SPAG17: variants seen among roughly 807,000 people sequenced by gnomAD.
SPAG17 encodes the protein sperm associated antigen 17, also known as sperm-associated antigen 17.
In SPAG17, 169 loss-of-function variants were observed where a neutral mutation model predicts 273.6. The observed-to-expected ratio is 0.62, with a 90% CI of 0.55 to 0.70. SPAG17 has a LOEUF of 0.70. Among genes scored for constraint, SPAG17 ranks in the 30% least tolerant of loss-of-function variants. The pLI, the probability that SPAG17 is intolerant of heterozygous loss-of-function variation, is 0.00. For synonymous variants in SPAG17, 825 were observed against 873.2 expected (o/e 0.94, Z 0.97); for missense variants, 2,557 against 2,627.8 (o/e 0.97, Z 0.59).
rs533447346 is a variant in SPAG17, at chr1:117,994,388, T to C, written c.5178+18A>G. 6.7e-5 allele frequency: 108 copies of C among 1,607,976 alleles called. 1 individual carries two copies. The South Asian group carries it at 1.2e-3, about 18-fold the overall frequency. ...ATGTATACGCTAATAAAATGACTTTTTAGAAGAAATTATATACCTCAACTG... is the reference window on the plus strand; with the variant it reads ...ATGTATACGCTAATAAAATGACTTTCTAGAAGAAATTATATACCTCAACTG... On this transcript the variant is annotated intron_variant, in intron 35 of 48. Transcript: ENST00000336338.
intron 20 of SPAG17, among the ~76,000 whole-genome samples, chr1:118,042,860 T>C (rs1476386304): frequency 1.3e-5 from 2 of 152,206 alleles, no homozygotes; most frequent in Non-Finnish European, 2.9e-5. Context: ...GTGTGTACTT[T>C]CATTTTCAAT....
intron 3 of SPAG17, among the ~76,000 whole-genome samples, chr1:118,145,007 T>C (rs550462643): frequency 4.2e-4 from 64 of 152,338 alleles, no homozygotes; most frequent in Middle Eastern, 3.4e-3. Context: ...TAGCTTCCAA[T>C]TCTTCCAGAA....
chr1:118,121,852 T>C (rs1657439247), intron 3 of SPAG17, among the ~76,000 whole-genome samples: 1 of 152,186 alleles, frequency 6.6e-6, no homozygotes, highest in African/African-American at 2.4e-5. Context: ...GAAGAGCTGA[T>C]AAAAAGAGAA....
intron 18 of SPAG17, among the ~76,000 whole-genome samples, chr1:118,062,979 C>G (rs2997485): frequency 1.3e-5 from 2 of 152,150 alleles, no homozygotes; most frequent in Non-Finnish European, 2.9e-5. Context: ...TGAAAACTCA[C>G]ATTTCTGTGT....
intron 18 of SPAG17, among the ~76,000 whole-genome samples, chr1:118,064,824 A>C (rs1207006725): frequency 4.6e-5 from 7 of 151,908 alleles, no homozygotes; most frequent in Non-Finnish European, 8.8e-5. Flanking sequence ...GGTGTTGCTA[A>C]GGCGGTATTT....
chr1:118,106,755 T>C (rs1254410798), intron 4 of SPAG17, among the ~76,000 whole-genome samples: 1 of 152,268 alleles, frequency 6.6e-6, no homozygotes, highest in Admixed American at 6.5e-5. Flanking sequence ...AATTCATTTA[T>C]GCATTCATTC....
chr1:118,133,004 G>A (rs890682188), intron 3 of SPAG17, among the ~76,000 whole-genome samples: 3 of 151,984 alleles, frequency 2.0e-5, no homozygotes, highest in South Asian at 2.1e-4. Context: ...ATCTCTTGCC[G>A]TCGTGATCTG....
Position 118,023,361 on chromosome 1 carries a change from A to T in SPAG17, c.4012T>A (p.Ser1338Thr). The T allele has an allele frequency of 6.2e-7, 1 of 1,612,846 alleles. No homozygotes were observed. ...ATPHSGDLMD[S>T]ISQQKSETIP... ...GTTTCTGATTTCTGCTGAGAAATAG[A>T]GTCCATCAAATCTCCACTGTGAGGC... The change falls in exon 28 of 49, where the codon TCT becomes ACT. Residue 1338 changes from serine (S) to threonine (T), a missense_variant. Coordinates refer to ENST00000336338, the MANE Select transcript of SPAG17 (RefSeq NM_206996.4).
chr1:118,139,345 C>T (rs755571517), intron 3 of SPAG17, among the ~76,000 whole-genome samples: 1 of 151,992 alleles, frequency 6.6e-6, no homozygotes, highest in East Asian at 1.9e-4. Context: ...AAAAGGGAAC[C>T]CTTGTACATT....
rs188756100 is a variant in SPAG17 at position 117,978,362 on chromosome 1, A to G, written c.6004+2908T>C. Among the ~76,000 whole-genome samples the G allele has an allele frequency of 1.6e-3, 246 of 152,224 alleles. 1 individual carries two copies. Among genetic ancestry groups the G allele is most frequent in the African/African-American group, 5.8e-3 (240 of 41,528 alleles). ...CACTATGGAGAAGGTGACCTTATTC[A>G]TATCTAAGGTTAATTCTGTCACTCA... On this transcript the variant is annotated intron_variant, in intron 43 of 48. Coordinates refer to ENST00000336338, the MANE Select transcript of SPAG17 (RefSeq NM_206996.4).
At chr1:117,978,791 A>G (rs1655410464) in intron 43 of SPAG17, among the ~76,000 whole-genome samples, 1 of 151,474 alleles carries the variant, frequency 6.6e-6, no homozygotes, top group Non-Finnish European at 1.5e-5. Flanking sequence ...TTGACCTTGC[A>G]GGGGCATTTG....
At chr1:118,060,944 G>C (rs1344339738) in intron 18 of SPAG17, among the ~76,000 whole-genome samples, 1 of 152,102 alleles carries the variant, frequency 6.6e-6, no homozygotes, top group African/African-American at 2.4e-5. Flanking sequence ...ATATAAAAAG[G>C]TGTTCAACAC....
At position 118,039,294 on chromosome 1, in the gene SPAG17, G is replaced by A. The variant is rs573321066; in HGVS notation, c.3317C>T (p.Thr1106Met). 84 of 1,612,402 alleles carry A rather than the reference G, an allele frequency of 5.2e-5. 1 individual carries two copies. Among genetic ancestry groups the A allele is most frequent in the South Asian group, 1.1e-4 (10 of 90,910 alleles). ...GAAACCACTAAACAGCAGCTTACCC[G>A]TTTCAAGACTTTGTTCCTCATCTCC... is the stretch of plus-strand genomic sequence containing the variant. Reference protein sequence around the residue: ...EEGDEEQSLETEVSDAKNKAF... With the variant: ...EEGDEEQSLEMEVSDAKNKAF... The change falls in exon 23 of 49, where the codon ACG becomes ATG. Residue 1106 changes from threonine to methionine, a missense_variant and splice_region_variant. Thr to Met is a moderately conservative substitution (Grantham distance 81). Coordinates refer to ENST00000336338, the MANE Select transcript of SPAG17 (RefSeq NM_206996.4).
At chr1:118,053,068 A>G (rs1041030269) in intron 20 of SPAG17, among the ~76,000 whole-genome samples, 7 of 152,016 alleles carry the variant, frequency 4.6e-5, no homozygotes, top group Non-Finnish European at 2.9e-5. Flanking sequence ...TTAAGGAAAC[A>G]ATGGATGAGT....
In SPAG17 at chr1:117,991,418, A is replaced by G; in HGVS notation, c.5472T>C (p.Val1824=). The change falls in exon 37 of 49, where the codon GTT becomes GTC. Residue 1824 remains valine (V), a synonymous_variant. Transcript: ENST00000336338. ...RGNAADLLKL[V]MSFPKMEETT... ...GGTATACAAGGCATTTTCTCACCATAACCAGCTTGAGGAGATCAGCAGCAT... is the reference window on the plus strand; with the variant it reads ...GGTATACAAGGCATTTTCTCACCATGACCAGCTTGAGGAGATCAGCAGCAT... 1 of 1,583,686 alleles carries G rather than the reference A, an allele frequency of 6.3e-7. No homozygotes were observed. Among genetic ancestry groups the G allele is most frequent in the Non-Finnish European group, 8.6e-7 (1 of 1,163,642 alleles).
At chr1:118,031,919 T>C (rs1248674929) in intron 24 of SPAG17, 52 bp from the exon 25 acceptor site, 2 of 1,414,404 alleles carry the variant, frequency 1.4e-6, no homozygotes, top group Non-Finnish European at 1.9e-6. Flanking sequence ...ATATTTGATA[T>C]CCTTGTGAAA....
chr1:117,959,788 T>G (rs1652776823), intron 48 of SPAG17: 1 of 164,564 alleles, frequency 6.1e-6, no homozygotes, highest in African/African-American at 2.4e-5. Flanking sequence ...GAAATTAACA[T>G]TTCAAAAGTT....
intron 3 of SPAG17, among the ~76,000 whole-genome samples, chr1:118,119,300 C>T (rs971542051): frequency 3.3e-5 from 5 of 152,120 alleles, no homozygotes; most frequent in Admixed American, 1.3e-4. Context: ...TATTCAATCT[C>T]GAGTGAATTC....
At chr1:118,017,372 T>C (rs1306535741) in intron 28 of SPAG17, among the ~76,000 whole-genome samples, 1 of 151,940 alleles carries the variant, frequency 6.6e-6, no homozygotes, top group African/African-American at 2.4e-5. Context: ...ACATAAGAAA[T>C]ACAATGGGGT....
Sources: gnomAD v4.1 joint callset for allele counts (sites outside exome capture counted in the v4.1 genomes callset) on GRCh38, gnomAD v4.1.1 for gene constraint, MANE v1.5 for transcripts, NCBI Gene and HGNC (gene_info 2026-07-23, HGNC 2026-07-21) for gene names.